The following SUCLG2 variants were observed in gnomAD, a reference collection of about 807,000 sequenced individuals.
The protein encoded by SUCLG2 is succinate-CoA ligase GDP-forming subunit beta.
A neutral mutation model predicts 47.9 loss-of-function variants in SUCLG2; 42 were observed. The observed-to-expected ratio is 0.88, with a 90% CI of 0.69 to 1.14. SUCLG2 has a LOEUF of 1.14. SUCLG2 is among the 50% of genes most tolerant of loss of function. The pLI, the probability that SUCLG2 is intolerant of heterozygous loss-of-function variation, is 0.00. For missense variants in SUCLG2, 571 were observed against 525.9 expected, an observed-to-expected ratio of 1.09 and a Z score of -0.84; for synonymous variants, 195 against 197.3, an observed-to-expected ratio of 0.99 and a Z score of 0.10.
At chr3:67,363,802 C>G (rs1701840499) in intron 10 of SUCLG2, among the ~76,000 whole-genome samples, 1 of 140,736 alleles carries the variant, frequency 7.1e-6, no homozygotes, top group African/African-American at 2.6e-5. Context: ...CCCAACCTCA[C>G]CCCCTGCAAA....
chr3:67,417,898 T>C (rs536696905), intron 9 of SUCLG2, among the ~76,000 whole-genome samples: 41 of 152,296 alleles, frequency 2.7e-4, no homozygotes, highest in African/African-American at 8.2e-4. Flanking sequence ...GTTGAGGCTA[T>C]AGCTGTTTGA....
Position 67,450,297 on chromosome 3 carries a change from C to T in SUCLG2, c.1062+45501G>A, listed in dbSNP as rs149937257. ...GCTGAAGCGATCCTGTCACCTCAGC[C>T]TCCTGAGTGGCTGAAATTACAGGCT... On this transcript the variant is annotated intron_variant, in intron 9 of 10. Transcript: ENST00000307227. Among the ~76,000 whole-genome samples the T allele has an allele frequency of 6.6e-5, 10 of 152,274 alleles. No homozygotes were observed. In the East Asian group the frequency reaches 1.9e-3, roughly 29 times the overall value.
At chr3:67,402,947 A>G (rs577104273) in intron 9 of SUCLG2, among the ~76,000 whole-genome samples, 9 of 152,286 alleles carry the variant, frequency 5.9e-5, no homozygotes, top group African/African-American at 1.9e-4. Flanking sequence ...AGGAGCAAAA[A>G]GGAGAGAAGG....
chr3:67,581,853 T>C (rs1278564972), intron 2 of SUCLG2, among the ~76,000 whole-genome samples: 1 of 152,220 alleles, frequency 6.6e-6, no homozygotes, highest in East Asian at 1.9e-4. Flanking sequence ...CAGGTAAGGA[T>C]GACTTCTAAC....
chr3:67,520,633 A>C lies in SUCLG2; in HGVS notation c.419T>G (p.Val140Gly), dbSNP rs1426837158. The C allele has an allele frequency of 3.7e-6, 6 of 1,604,946 alleles. No individual in the cohort carries two copies. The highest frequency in any genetic ancestry group is 4.2e-6 in the Non-Finnish European group (5 of 1,177,262). ...AATATCCAAGGCTTCAGCAACCATC[A>C]CCTACCACATTAGTGGGAAAGTCAA... is the stretch of plus-strand genomic sequence containing the variant. ...TPKEGVKVNK[V>G]MVAEALDISR... Residue 140 changes from valine to glycine, a missense_variant and splice_region_variant, in exon 5 of 11, where the codon GTG (valine) becomes GGG (glycine). Val to Gly is a moderately radical substitution (Grantham distance 109). Coordinates refer to ENST00000307227, the MANE Select transcript of SUCLG2 (RefSeq NM_003848.4).
intron 9 of SUCLG2, among the ~76,000 whole-genome samples, chr3:67,471,276 G>A (rs1263568549): frequency 6.6e-6 from 1 of 152,204 alleles, no homozygotes. Flanking sequence ...ACACAAGGGT[G>A]ATGAGGGAAA....
chr3:67,400,437 C>A (rs1382751541), intron 10 of SUCLG2, among the ~76,000 whole-genome samples: 1 of 152,096 alleles, frequency 6.6e-6, no homozygotes, highest in Non-Finnish European at 1.5e-5. Flanking sequence ...AAACATTTCT[C>A]AGAGTGTTTT....
At chr3:67,369,459 C>T (rs1701921423) in intron 10 of SUCLG2, among the ~76,000 whole-genome samples, 1 of 152,178 alleles carries the variant, frequency 6.6e-6, no homozygotes, top group Non-Finnish European at 1.5e-5. Context: ...CTAATTCTCT[C>T]TGATCTCCTT....
chr3:67,579,409 A>C (rs1707825597), intron 2 of SUCLG2, among the ~76,000 whole-genome samples: 1 of 152,230 alleles, frequency 6.6e-6, no homozygotes, highest in Non-Finnish European at 1.5e-5. Flanking sequence ...GATGAGACTA[A>C]CACAGTAATC....
chr3:67,647,045 G>C (rs1255555749), intron 1 of SUCLG2, among the ~76,000 whole-genome samples: 1 of 152,026 alleles, frequency 6.6e-6, no homozygotes, highest in African/African-American at 2.4e-5. Flanking sequence ...AACTCTACAA[G>C]GCAGCCCTCC....
At chr3:67,362,042 T>C (rs1436347382) in intron 10 of SUCLG2, among the ~76,000 whole-genome samples, 1 of 152,172 alleles carries the variant, frequency 6.6e-6, no homozygotes, top group East Asian at 1.9e-4. Flanking sequence ...AATTGCCCAG[T>C]TGTGCTTGTC....
At chr3:67,654,474 G>C in intron 1 of SUCLG2, 29 bp downstream of exon 1, 3 of 1,231,092 alleles carry the variant, frequency 2.4e-6, no homozygotes, top group South Asian at 4.1e-5. Flanking sequence ...GCCGCTGCTG[G>C]CGCCCGCAGC....
At chr3:67,493,893 C>G (rs776411322) in intron 9 of SUCLG2, among the ~76,000 whole-genome samples, 5 of 152,218 alleles carry the variant, frequency 3.3e-5, no homozygotes, top group Admixed American at 6.5e-5. Context: ...AAACAAAGTG[C>G]TTATGTAAGT....
chr3:67,584,125 G>A (rs1194823832), intron 2 of SUCLG2, among the ~76,000 whole-genome samples: 1 of 152,186 alleles, frequency 6.6e-6, no homozygotes, highest in Admixed American at 6.5e-5. Context: ...CATTAATCGT[G>A]ATAGCCAAAA....
intron 1 of SUCLG2, among the ~76,000 whole-genome samples, chr3:67,643,634 A>C (rs1364747276): frequency 6.6e-6 from 1 of 152,178 alleles, no homozygotes; most frequent in African/African-American, 2.4e-5. Context: ...TGCTCTCACA[A>C]CACCAAACAC....
At chr3:67,610,996 A>G (rs563198047) in intron 1 of SUCLG2, among the ~76,000 whole-genome samples, 17 of 152,200 alleles carry the variant, frequency 1.1e-4, no homozygotes, top group Non-Finnish European at 2.4e-4. Flanking sequence ...TTGACATATG[A>G]AAGACACCCA....
intron 9 of SUCLG2, among the ~76,000 whole-genome samples, chr3:67,430,198 G>C (rs1043914800): frequency 2.0e-5 from 3 of 152,086 alleles, no homozygotes; most frequent in Non-Finnish European, 4.4e-5. Context: ...CACAGAGTTG[G>C]AAGTAAAAAA....
chr3:67,375,612 G>T lies in SUCLG2; in HGVS notation c.*132C>A, dbSNP rs151301956. 287 of 1,434,890 alleles carry T rather than the reference G, an allele frequency of 2.0e-4. No homozygotes were observed. The African/African-American group carries it at 3.9e-3, about 19-fold the overall frequency. The allele number at this position is 1,434,890 out of a possible 1,614,324, so 88.9% of individuals were successfully genotyped here. ...CTTATTCCAGAAAACACAGATTTAA[G>T]ATTTTTCAGTGATTCTTGCCTTCCC... is the stretch of plus-strand genomic sequence containing the variant. On this transcript the variant is annotated 3_prime_UTR_variant, in exon 11 of 11. Transcript: ENST00000307227.
At chr3:67,463,656 A>C (rs1704393120) in intron 9 of SUCLG2, among the ~76,000 whole-genome samples, 1 of 152,226 alleles carries the variant, frequency 6.6e-6, no homozygotes, top group Admixed American at 6.5e-5. Flanking sequence ...TTCTCTCTCA[A>C]GAGTTCCTGT....
Sources: allele counts gnomAD v4.1 joint callset (sites outside exome capture counted in the v4.1 genomes callset), GRCh38; gene constraint gnomAD v4.1.1; transcripts MANE v1.5; gene names NCBI Gene and HGNC (gene_info 2026-07-23, HGNC 2026-07-21).